Variants in MB21D2 observed in about 807,000 individuals in gnomAD.
The protein encoded by MB21D2 is nucleotidyltransferase MB21D2.
MB21D2 carries 9 observed loss-of-function variants against 33.3 expected under a neutral mutation model. The observed-to-expected ratio is 0.27, with a 90% CI of 0.16 to 0.47. The LOEUF is 0.47. MB21D2 is among the 20% of genes least tolerant of loss of function. The probability of loss-of-function intolerance (pLI) is 0.99; values close to 1 mark genes in which losing one functional copy is unlikely to be tolerated. For missense variants in MB21D2, 540 were observed against 624.6 expected, an observed-to-expected ratio of 0.86 and a Z score of 1.44; for synonymous variants, 241 against 236.3, an observed-to-expected ratio of 1.02 and a Z score of -0.18.
chr3:192,860,412 T>C (rs1177849231), intron 1 of MB21D2, among the ~76,000 whole-genome samples: 2 of 152,220 alleles, frequency 1.3e-5, no homozygotes, highest in African/African-American at 4.8e-5. Context: ...ATTTTAATGT[T>C]GCAAAGACTG....
chr3:192,831,775 T>C (rs1455782505), intron 1 of MB21D2, among the ~76,000 whole-genome samples: 1 of 152,218 alleles, frequency 6.6e-6, no homozygotes, highest in Non-Finnish European at 1.5e-5. Flanking sequence ...ATTATACTTG[T>C]TCTGTCCACT....
chr3:192,874,181 C>T (rs6785066), intron 1 of MB21D2, among the ~76,000 whole-genome samples: 152,322 of 152,322 alleles, frequency 1, 76,161 homozygotes, highest in Non-Finnish European at 1. Flanking sequence ...ACCTGGGTAG[C>T]AGTAGTTACA....
chr3:192,909,936 C>CAA lies in MB21D2; in HGVS notation c.211+7692_211+7693dup, dbSNP rs61613458. On this transcript the variant is annotated intron_variant, in intron 1 of 1. Transcript: ENST00000392452. ...TGAGTGACAGAGCAAGACTCTGTCT[C>CAA]AAAAAAAAAAAAAAAAAAAAAAAAA... is the stretch of plus-strand genomic sequence containing the variant. Among the ~76,000 whole-genome samples the CAA allele has an allele frequency of 1.0e-3, 54 of 52,816 alleles. 2 individuals are homozygous for CAA. Among genetic ancestry groups the CAA allele is most frequent in the Non-Finnish European group, 1.2e-3 (37 of 32,068 alleles). The allele number at this position is 52,816 out of a possible 152,430, so 34.6% of individuals were successfully genotyped here.
intron 1 of MB21D2, among the ~76,000 whole-genome samples, chr3:192,851,492 T>G (rs867118234): frequency 1.4e-4 from 5 of 35,168 alleles, no homozygotes; most frequent in South Asian, 1.4e-3. Context: ...TTTTTGTCTG[T>G]TTTTTTTTTT....
intron 1 of MB21D2, among the ~76,000 whole-genome samples, chr3:192,835,920 CA>C (rs2108623076): frequency 6.6e-6 from 1 of 151,964 alleles, no homozygotes; most frequent in South Asian, 2.1e-4. Context: ...ATGTTCTTAG[CA>C]CATTCCCAGT....
intron 1 of MB21D2, among the ~76,000 whole-genome samples, chr3:192,855,930 G>A (rs62293208): frequency 0.038 from 5,835 of 152,180 alleles, 142 homozygotes; most frequent in Non-Finnish European, 0.043. Flanking sequence ...AAAATTAGCC[G>A]AGAGGTAATT....
intron 1 of MB21D2, among the ~76,000 whole-genome samples, chr3:192,906,899 T>C (rs1714226742): frequency 6.6e-6 from 1 of 152,240 alleles, no homozygotes; most frequent in Non-Finnish European, 1.5e-5. Context: ...ATTCAAATAC[T>C]AGTTGGAAGA....
At chr3:192,907,795 G>T (rs2108654669) in intron 1 of MB21D2, among the ~76,000 whole-genome samples, 1 of 152,338 alleles carries the variant, frequency 6.6e-6, no homozygotes, top group East Asian at 1.9e-4. Flanking sequence ...GGCACTTGGA[G>T]GATGACTGAT....
chr3:192,898,666 C>G (rs1056256548), intron 1 of MB21D2, among the ~76,000 whole-genome samples: 6 of 152,140 alleles, frequency 3.9e-5, no homozygotes, highest in African/African-American at 1.2e-4. Flanking sequence ...AAAAAAAAGA[C>G]AGAAACAGAT....
chr3:192,816,539 A>C (rs140322590), intron 1 of MB21D2, among the ~76,000 whole-genome samples: 113 of 152,282 alleles, frequency 7.4e-4, no homozygotes, highest in African/African-American at 2.5e-3. Context: ...GTTGAACATA[A>C]ATTTTTAAAA....
intron 1 of MB21D2, among the ~76,000 whole-genome samples, chr3:192,861,215 C>T (rs537185190): frequency 2.0e-5 from 3 of 152,206 alleles, no homozygotes; most frequent in Non-Finnish European, 2.9e-5. Flanking sequence ...CCTCTGGGCT[C>T]GGTTCTCAAT....
intron 1 of MB21D2, among the ~76,000 whole-genome samples, chr3:192,880,356 T>C (rs889023798): frequency 6.6e-6 from 1 of 151,620 alleles, no homozygotes; most frequent in Admixed American, 6.6e-5. Flanking sequence ...CAGAAAAAAA[T>C]AAAATAAAAT....
chr3:192,905,757 C>T (rs750396529), intron 1 of MB21D2, among the ~76,000 whole-genome samples: 2 of 151,616 alleles, frequency 1.3e-5, no homozygotes, highest in Non-Finnish European at 2.9e-5. Context: ...TGCTTCAGCC[C>T]GGGAGGTTGA....
At chr3:192,822,740 T>G (rs930110396) in intron 1 of MB21D2, among the ~76,000 whole-genome samples, 2 of 152,206 alleles carry the variant, frequency 1.3e-5, no homozygotes, top group Admixed American at 6.5e-5. Context: ...CCTTAGAACA[T>G]CTAATGTAAC....
intron 1 of MB21D2, among the ~76,000 whole-genome samples, chr3:192,876,827 C>T (rs776983322): frequency 2.3e-4 from 35 of 152,268 alleles, no homozygotes; most frequent in East Asian, 1.9e-3. Flanking sequence ...ACTGGTCCTT[C>T]GGGCTCCAGC....
intron 1 of MB21D2, among the ~76,000 whole-genome samples, chr3:192,837,034 T>C (rs888757048): frequency 6.6e-6 from 1 of 152,098 alleles, no homozygotes; most frequent in Admixed American, 6.6e-5. Context: ...ACCCAGGGTA[T>C]GGCCATAATG....
intron 1 of MB21D2, among the ~76,000 whole-genome samples, chr3:192,862,085 AGT>A (rs962007770): frequency 1.3e-5 from 2 of 152,210 alleles, no homozygotes; most frequent in African/African-American, 4.8e-5. Flanking sequence ...ATGTTTCAAG[AGT>A]GTGCTTTGGC....
At chr3:192,834,793 G>GT (rs1712397113) in intron 1 of MB21D2, among the ~76,000 whole-genome samples, 1 of 145,244 alleles carries the variant, frequency 6.9e-6, no homozygotes, top group South Asian at 2.2e-4. Context: ...AGGTACAGAT[G>GT]TTTGAGAGGA....
chr3:192,879,413 C>A (rs539263294), intron 1 of MB21D2, among the ~76,000 whole-genome samples: 4 of 152,384 alleles, frequency 2.6e-5, no homozygotes, highest in South Asian at 4.1e-4. Context: ...CCAGCATTAA[C>A]CACGGGCACA....
Sources: allele counts gnomAD v4.1 joint callset (sites outside exome capture counted in the v4.1 genomes callset), GRCh38; gene constraint gnomAD v4.1.1; transcripts MANE v1.5; gene names NCBI Gene and HGNC (gene_info 2026-07-23, HGNC 2026-07-21).